CENPO: variants seen among roughly 807,000 people sequenced by gnomAD.
CENPO encodes centromeric protein O.
Under a neutral mutation model 36.1 loss-of-function variants are expected in CENPO, and 30 were observed. The observed-to-expected ratio is 0.83, with a 90% CI of 0.62 to 1.13. CENPO has a LOEUF of 1.13. Ranked by LOEUF, CENPO falls within the 50% of genes most tolerant of loss-of-function variation. CENPO has a pLI of 0.00. For missense variants in CENPO, 349 were observed against 357.8 expected (o/e 0.98, Z 0.20); for synonymous variants, 171 against 142.3 (o/e 1.20, Z -1.44).
At chr2:24,808,169 T>G (rs550348754) in intron 3 of CENPO, among the ~76,000 whole-genome samples, 2 of 152,326 alleles carry the variant, frequency 1.3e-5, no homozygotes, top group South Asian at 4.1e-4. Flanking sequence ...TTAATAAATC[T>G]TTGTCTAACT....
chr2:24,798,400 G>A (rs772071200), intron 2 of CENPO, among the ~76,000 whole-genome samples: 3 of 152,128 alleles, frequency 2.0e-5, no homozygotes, highest in Non-Finnish European at 4.4e-5. Context: ...AAAGCAAGGG[G>A]ATAGGCCTCA....
intron 1 of CENPO, 148 bp downstream of exon 1, chr2:24,793,649 G>T: frequency 7.7e-7 from 1 of 1,303,430 alleles, no homozygotes; most frequent in South Asian, 1.5e-5. Context: ...AGCGCGCCGG[G>T]GCCGCGGGAT....
chr2:24,810,369 T>G (rs1221161005), intron 3 of CENPO, among the ~76,000 whole-genome samples: 4 of 152,058 alleles, frequency 2.6e-5, no homozygotes, highest in Admixed American at 2.6e-4. Flanking sequence ...CTCTTGAGCC[T>G]AGGAGTTTGA....
At chr2:24,798,975 CTTTTTTTTTTTTTTTT>C (rs70947846) in intron 2 of CENPO, among the ~76,000 whole-genome samples, 16 of 114,512 alleles carry the variant, frequency 1.4e-4, no homozygotes, top group East Asian at 4.8e-4. Context: ...CTGGGGCTTC[CTTTTTTTTTTTTTTTT>C]TTTTTTTTTT....
chr2:24,821,352 T>C lies in CENPO; in HGVS notation c.*2034T>C. 1 of 990,798 alleles carries C rather than the reference T, an allele frequency of 1.0e-6. No homozygotes were observed. Among genetic ancestry groups the C allele is most frequent in the South Asian group, 1.6e-5 (1 of 61,070 alleles). 61.4% of individuals were successfully genotyped at this position (990,798 alleles called of 1,614,324 possible). A position where few individuals can be genotyped will look rare whatever the true frequency, so the allele number is the denominator to read the frequency against. On this transcript the variant is annotated 3_prime_UTR_variant, in exon 8 of 8. Transcript: ENST00000380834. ...GGGTTTTTGGTTTAGTCATCTAGAG[T>C]CGTCTGGACTAAAGGTCTTTCAGGT...
intron 3 of CENPO, among the ~76,000 whole-genome samples, chr2:24,800,246 T>A (rs1035335535): frequency 5.3e-5 from 8 of 152,178 alleles, no homozygotes; most frequent in African/African-American, 1.9e-4. Flanking sequence ...GCCACTGCAC[T>A]CCAGCCTGGG....
At chr2:24,805,300 C>T (rs1002896692) in intron 3 of CENPO, among the ~76,000 whole-genome samples, 1 of 151,938 alleles carries the variant, frequency 6.6e-6, no homozygotes, top group Non-Finnish European at 1.5e-5. Context: ...GTAGTTTGAT[C>T]GTCTGAAGCT....
Position 24,821,287 on chromosome 2 carries a change from G to T in CENPO, c.*1969G>T, listed in dbSNP as rs947399822. 13 of 550,978 alleles carry T rather than the reference G, an allele frequency of 2.4e-5. No individual in the cohort carries two copies. Among genetic ancestry groups the T allele is most frequent in the South Asian group, 7.8e-5 (3 of 38,356 alleles). 34.1% of individuals were successfully genotyped at this position (550,978 alleles called of 1,614,324 possible). On this transcript the variant is annotated 3_prime_UTR_variant, in exon 8 of 8. Coordinates refer to ENST00000380834, the MANE Select transcript of CENPO (RefSeq NM_001322101.2). ...CAGCCAGGCAGGCCAAGCTTCTATT[G>T]TAACAGTAGGCACAGTATAGTCGGA... is the stretch of plus-strand genomic sequence containing the variant.
chr2:24,814,291 A>G lies in CENPO; in HGVS notation c.217-85A>G. Reference sequence around the variant, plus strand: ...TGATGTATTATATCATGTGCCTTGTATTTAGCTTTCATCCAGTTGGGGGAG... The same window carrying G: ...TGATGTATTATATCATGTGCCTTGTGTTTAGCTTTCATCCAGTTGGGGGAG... On this transcript the variant is annotated intron_variant, in intron 3 of 7. Transcript: ENST00000380834. 5.2e-6 allele frequency: 4 copies of G among 766,894 alleles called. No homozygotes were observed. In the South Asian group the frequency reaches 5.6e-5, roughly 11 times the overall value. 47.5% of individuals were successfully genotyped at this position (766,894 alleles called of 1,614,324 possible). A position where few individuals can be genotyped will look rare whatever the true frequency, so the allele number is the denominator to read the frequency against.
rs2148349176 is a variant in CENPO, at chr2:24,821,795, C to T, written c.*2477C>T. On this transcript the variant is annotated 3_prime_UTR_variant, in exon 8 of 8. Coordinates refer to ENST00000380834, the MANE Select transcript of CENPO (RefSeq NM_001322101.2). ...CACAAAGGAGTCGCAGCCACGCTAG[C>T]TCTGACTTGCCACTGTGACAAAGTT... The T allele has an allele frequency of 1.8e-6, 2 of 1,107,968 alleles. No individual in the cohort carries two copies. The highest frequency in any genetic ancestry group is 1.3e-6 in the Non-Finnish European group (1 of 788,658). The allele number at this position is 1,107,968 out of a possible 1,614,324, so 68.6% of individuals were successfully genotyped here.
At chr2:24,806,143 T>C (rs1177947749) in intron 3 of CENPO, among the ~76,000 whole-genome samples, 2 of 152,246 alleles carry the variant, frequency 1.3e-5, no homozygotes, top group African/African-American at 4.8e-5. Context: ...TATAATCTCC[T>C]GGTGTGCCGT....
intron 2 of CENPO, 89 bp from the exon 3 acceptor site, chr2:24,799,586 A>T: frequency 1.0e-6 from 1 of 958,688 alleles, no homozygotes; most frequent in Non-Finnish European, 1.5e-6. Context: ...AAAAAAAAAA[A>T]GAGTCACCTG....
In CENPO at chr2:24,820,701, G is replaced by C; in HGVS notation, c.*1383G>C. 1.9e-6 allele frequency: 3 copies of C among 1,613,532 alleles called. No homozygotes were observed. Among genetic ancestry groups the C allele is most frequent in the Non-Finnish European group, 2.5e-6 (3 of 1,179,676 alleles). Reference sequence around the variant, plus strand: ...GTTCTCATGCCGAGTCTGAGCACGTGCCAGCTGTGCCACTGGACATACCTG... The same window carrying C: ...GTTCTCATGCCGAGTCTGAGCACGTCCCAGCTGTGCCACTGGACATACCTG... On this transcript the variant is annotated 3_prime_UTR_variant, in exon 8 of 8. Transcript: ENST00000380834.
intron 3 of CENPO, among the ~76,000 whole-genome samples, chr2:24,813,922 T>C (rs1258201128): frequency 1.3e-5 from 2 of 152,200 alleles, no homozygotes; most frequent in Non-Finnish European, 2.9e-5. Context: ...TTATCCAGCT[T>C]GCATAGTTGT....
At position 24,821,365 on chromosome 2, in the gene CENPO, A is replaced by G. The variant is rs1240393736; in HGVS notation, c.*2047A>G. ...AGTCATCTAGAGTCGTCTGGACTAA[A>G]GGTCTTTCAGGTCTCCTTGCCCTGT... On this transcript the variant is annotated 3_prime_UTR_variant, in exon 8 of 8. Coordinates refer to ENST00000380834, the MANE Select transcript of CENPO (RefSeq NM_001322101.2). 12 of 1,147,324 alleles carry G rather than the reference A, an allele frequency of 1.0e-5. No homozygotes were observed. The highest frequency in any genetic ancestry group is 1.6e-5 in the African/African-American group (1 of 64,480). 71.1% of individuals were successfully genotyped at this position (1,147,324 alleles called of 1,614,324 possible).
intron 3 of CENPO, among the ~76,000 whole-genome samples, chr2:24,810,561 G>A (rs1666630507): frequency 7.0e-6 from 1 of 143,148 alleles, no homozygotes; most frequent in African/African-American, 2.6e-5. Flanking sequence ...AGGCTGGAGT[G>A]CAATGGTGCC....
Position 24,821,037 on chromosome 2 carries a change from G to C in CENPO, c.*1719G>C. ...CTGTTTATCCGTGTGCTTGTTAGGT[G>C]TCAGCCGCCACCCCCCCCCCATATG... On this transcript the variant is annotated 3_prime_UTR_variant, in exon 8 of 8. Coordinates refer to ENST00000380834, the MANE Select transcript of CENPO (RefSeq NM_001322101.2). The C allele has an allele frequency of 1.3e-6, 1 of 760,940 alleles. No homozygotes were observed. Among genetic ancestry groups the C allele is most frequent in the Non-Finnish European group, 2.0e-6 (1 of 499,824 alleles). 47.1% of individuals were successfully genotyped at this position (760,940 alleles called of 1,614,324 possible). A position where few individuals can be genotyped will look rare whatever the true frequency, so the allele number is the denominator to read the frequency against.
chr2:24,795,413 A>G (rs1356489095), intron 2 of CENPO, among the ~76,000 whole-genome samples: 1 of 152,214 alleles, frequency 6.6e-6, no homozygotes. Flanking sequence ...CTGACTGGCT[A>G]GGATGAGATG....
intron 3 of CENPO, among the ~76,000 whole-genome samples, chr2:24,814,015 C>T (rs770972079): frequency 4.6e-5 from 7 of 152,208 alleles, no homozygotes; most frequent in Non-Finnish European, 8.8e-5. Context: ...CTTGAAACCC[C>T]ACACTGTCCA....
Sources: gnomAD v4.1 joint callset for allele counts (sites outside exome capture counted in the v4.1 genomes callset) on GRCh38, gnomAD v4.1.1 for gene constraint, MANE v1.5 for transcripts, NCBI Gene and HGNC (gene_info 2026-07-23, HGNC 2026-07-21) for gene names.